Variants in ADAMTS6 observed in about 807,000 individuals in gnomAD.
The protein encoded by ADAMTS6 is ADAM metallopeptidase with thrombospondin type 1 motif 6.
Under a neutral mutation model 144.3 loss-of-function variants are expected in ADAMTS6, and 23 were observed. The ratio of observed to expected loss-of-function variants is 0.16; its 90% CI spans 0.11 to 0.23. The LOEUF (loss-of-function observed/expected upper bound fraction) is 0.23. Ranked by LOEUF, ADAMTS6 falls within the 10% of genes least tolerant of loss-of-function variation. ADAMTS6 has a pLI of 1.00. For synonymous variants in ADAMTS6, 444 were observed against 457.5 expected, an observed-to-expected ratio of 0.97 and a Z score of 0.38; for missense variants, 999 against 1,379.6, an observed-to-expected ratio of 0.72 and a Z score of 4.37.
intron 14 of ADAMTS6, among the ~76,000 whole-genome samples, chr5:65,247,969 C>T (rs531800166): frequency 6.6e-6 from 1 of 152,256 alleles, no homozygotes; most frequent in Non-Finnish European, 1.5e-5. Flanking sequence ...AGTTTGAAAT[C>T]CAACCCCTGC....
intron 7 of ADAMTS6, among the ~76,000 whole-genome samples, chr5:65,373,478 A>G (rs1341032682): frequency 2.0e-5 from 3 of 150,782 alleles, no homozygotes. Flanking sequence ...TACTACAAAC[A>G]CCTCTACGCA....
chr5:65,391,988 G>A (rs1002172411), intron 7 of ADAMTS6, among the ~76,000 whole-genome samples: 6 of 152,002 alleles, frequency 3.9e-5, no homozygotes, highest in African/African-American at 7.2e-5. Context: ...CACCCGTCTC[G>A]GCCTCCCAAA....
intron 23 of ADAMTS6, among the ~76,000 whole-genome samples, chr5:65,171,210 C>T (rs1036207556): frequency 9.9e-5 from 15 of 151,972 alleles, no homozygotes; most frequent in African/African-American, 2.9e-4. Context: ...GGGGTTTCAC[C>T]ATCTTAGCCA....
chr5:65,401,366 T>G lies in ADAMTS6; in HGVS notation c.1073+50109A>C, dbSNP rs114991749. Among the ~76,000 whole-genome samples the G allele has an allele frequency of 1.8e-3, 279 of 152,252 alleles. 2 individuals are homozygous for G. The highest frequency in any genetic ancestry group is 6.5e-3 in the African/African-American group (269 of 41,552). On this transcript the variant is annotated intron_variant, in intron 7 of 24. Transcript: ENST00000381055. Reference sequence around the variant, plus strand: ...TAGGCTCTGATCAAACCCCACAGATTAGGCTCTGGTTAGCTAGTTTCTCCT... The same window carrying G: ...TAGGCTCTGATCAAACCCCACAGATGAGGCTCTGGTTAGCTAGTTTCTCCT...
chr5:65,261,070 A>G (rs887015038), intron 13 of ADAMTS6, among the ~76,000 whole-genome samples: 1 of 152,132 alleles, frequency 6.6e-6, no homozygotes, highest in Non-Finnish European at 1.5e-5. Context: ...TTCACCAACT[A>G]GGAAATGGAA....
chr5:65,448,814 T>C (rs569666791), intron 7 of ADAMTS6, among the ~76,000 whole-genome samples: 10 of 152,194 alleles, frequency 6.6e-5, no homozygotes, highest in Non-Finnish European at 8.8e-5. Context: ...CAAGCAAACA[T>C]GCATCATGAT....
rs892431180 is a variant in ADAMTS6, at chr5:65,220,639, C to T, written c.2272+3681G>A. On this transcript the variant is annotated intron_variant, in intron 18 of 24. Transcript: ENST00000381055. ...GTGGGTGCCTGTAGTCCCAGCTACT[C>T]GGGAGGCTGAGGCAGGAGAATGGCA... Among the ~76,000 whole-genome samples, 12 of 152,002 alleles carry T rather than the reference C, an allele frequency of 7.9e-5. No homozygotes were observed. In the East Asian group the frequency reaches 1.6e-3, roughly 20 times the overall value.
intron 7 of ADAMTS6, among the ~76,000 whole-genome samples, chr5:65,384,697 A>G (rs758474293): frequency 5.9e-5 from 9 of 152,148 alleles, no homozygotes; most frequent in Non-Finnish European, 1.0e-4. Flanking sequence ...CTCCTTTCAC[A>G]GCTATGTACC....
chr5:65,327,702 C>T (rs1746303109), intron 9 of ADAMTS6, among the ~76,000 whole-genome samples: 2 of 152,060 alleles, frequency 1.3e-5, no homozygotes, highest in Admixed American at 1.3e-4. Context: ...ATCTAGGAAA[C>T]CTGGGAAGTT....
At chr5:65,356,482 A>G (rs1269803826) in intron 7 of ADAMTS6, among the ~76,000 whole-genome samples, 1 of 151,892 alleles carries the variant, frequency 6.6e-6, no homozygotes. Context: ...AGCATATTTC[A>G]TAAGAATGGA....
At chr5:65,382,857 G>A (rs940134474) in intron 7 of ADAMTS6, among the ~76,000 whole-genome samples, 7 of 152,072 alleles carry the variant, frequency 4.6e-5, no homozygotes, top group Non-Finnish European at 1.0e-4. Flanking sequence ...CCTTAAACAG[G>A]GTAATTTATA....
chr5:65,373,007 A>G (rs1484876598), intron 7 of ADAMTS6, among the ~76,000 whole-genome samples: 1 of 152,258 alleles, frequency 6.6e-6, no homozygotes, highest in East Asian at 1.9e-4. Context: ...CTGAATGACT[A>G]CTGGGTACGT....
In ADAMTS6 at chr5:65,151,501, A is replaced by C. The variant is rs901002120; in HGVS notation, c.*335T>G. 1 of 232,370 alleles carries C rather than the reference A, an allele frequency of 4.3e-6. No homozygotes were observed. Among genetic ancestry groups the C allele is most frequent in the Non-Finnish European group, 8.3e-6 (1 of 119,832 alleles). The allele number at this position is 232,370 out of a possible 1,614,324, so 14.4% of individuals were successfully genotyped here. ...CAGTGTCATTGCTAAGTCCATAATAAAAATTATCTTAATGGTCCAAGGAGG... is the reference window on the plus strand; with the variant it reads ...CAGTGTCATTGCTAAGTCCATAATACAAATTATCTTAATGGTCCAAGGAGG... On this transcript the variant is annotated 3_prime_UTR_variant, in exon 25 of 25. Transcript: ENST00000381055.
intron 7 of ADAMTS6, among the ~76,000 whole-genome samples, chr5:65,443,592 C>A (rs1758035324): frequency 7.7e-6 from 1 of 130,162 alleles, no homozygotes; most frequent in African/African-American, 2.9e-5. Context: ...CACTGCACTC[C>A]AGCCTAGGCA....
chr5:65,412,828 C>G (rs1755162115), intron 7 of ADAMTS6, among the ~76,000 whole-genome samples: 1 of 151,894 alleles, frequency 6.6e-6, no homozygotes, highest in Non-Finnish European at 1.5e-5. Context: ...AATTGAAAAC[C>G]ATAACTAATT....
rs189791535 is a variant in ADAMTS6 at position 65,245,914 on chromosome 5, A to G, written c.1831-3708T>C. Among the ~76,000 whole-genome samples the G allele has an allele frequency of 7.0e-4, 107 of 152,322 alleles. No individual in the cohort carries two copies. The East Asian group carries it at 0.017, about 24-fold the overall frequency. On this transcript the variant is annotated intron_variant, in intron 14 of 24. Transcript: ENST00000381055. ...AGGTACAATTTGTCAACCCCGGTAT[A>G]GGGTGTTAACATAATATAGATATAT...
At chr5:65,240,444 G>A (rs1008264125) in intron 15 of ADAMTS6, among the ~76,000 whole-genome samples, 1 of 152,110 alleles carries the variant, frequency 6.6e-6, no homozygotes, top group Admixed American at 6.5e-5. Context: ...ACTATTGACT[G>A]CAAAGGACTA....
intron 14 of ADAMTS6, among the ~76,000 whole-genome samples, chr5:65,245,994 T>C (rs1476708137): frequency 6.6e-6 from 1 of 152,210 alleles, no homozygotes; most frequent in Non-Finnish European, 1.5e-5. Flanking sequence ...TCAGTCAATA[T>C]AGAATCATAC....
intron 14 of ADAMTS6, 84 bp downstream of exon 14, chr5:65,260,516 T>C (rs969108112): frequency 9.3e-7 from 1 of 1,073,872 alleles, no homozygotes; most frequent in African/African-American, 1.6e-5. Flanking sequence ...GTATTTCTTA[T>C]CAAATAGTTT....
Sources: allele counts gnomAD v4.1 joint callset (sites outside exome capture counted in the v4.1 genomes callset), GRCh38; gene constraint gnomAD v4.1.1; transcripts MANE v1.5; gene names NCBI Gene and HGNC (gene_info 2026-07-23, HGNC 2026-07-21).